SHPK: variants seen among roughly 807,000 people sequenced by gnomAD.
The protein encoded by SHPK is sedoheptulokinase.
SHPK carries 51 observed loss-of-function variants against 46.3 expected under a neutral mutation model. That is an observed-to-expected ratio of 1.10 (90% CI 0.88 to 1.39). The LOEUF is 1.39. Ranked by LOEUF, SHPK falls within the 40% of genes most tolerant of loss-of-function variation. The probability of loss-of-function intolerance (pLI) is 0.00; values close to 1 mark genes in which losing one functional copy is unlikely to be tolerated. For synonymous variants in SHPK, 290 were observed against 273.9 expected, an observed-to-expected ratio of 1.06 and a Z score of -0.58; for missense variants, 668 against 641.3, an observed-to-expected ratio of 1.04 and a Z score of -0.45.
chr17:3,626,724 A>G (rs1321830243), intron 2 of SHPK, among the ~76,000 whole-genome samples: 4 of 39,210 alleles, frequency 1.0e-4, no homozygotes, highest in Non-Finnish European at 3.7e-4. Flanking sequence ...TCCATCTCAA[A>G]AAAAAAAAAA....
Position 3,615,503 on chromosome 17 carries a change from G to T in SHPK, c.858C>A (p.Ala286=). Residue 286 remains alanine, a synonymous_variant, in exon 6 of 7, where the codon GCC becomes GCA. Transcript: ENST00000225519. ...LNISTSVQLA[A]SMPSGFQPAQ... is the part of the protein sequence containing the mutation. ...CAGGCTGGAATCCTGAAGGCATGGAGGCTGCCAGCTGAACCGAGGTGCTGA... is the reference window on the plus strand; with the variant it reads ...CAGGCTGGAATCCTGAAGGCATGGATGCTGCCAGCTGAACCGAGGTGCTGA... 8 of 1,614,220 alleles carry T rather than the reference G, an allele frequency of 5.0e-6. No individual in the cohort carries two copies. The highest frequency in any genetic ancestry group is 6.8e-6 in the Non-Finnish European group (8 of 1,180,038).
intron 4 of SHPK, 25 bp downstream of exon 4, chr17:3,623,314 C>G (rs770806690): frequency 2.5e-6 from 4 of 1,613,312 alleles, no homozygotes; most frequent in East Asian, 4.5e-5. Flanking sequence ...GCAGGAGGAA[C>G]AGCCTGCAAG....
intron 6 of SHPK, among the ~76,000 whole-genome samples, chr17:3,611,906 C>A (rs919729587): frequency 6.7e-6 from 1 of 149,142 alleles, no homozygotes. Flanking sequence ...CGGGTTCCAG[C>A]GATTCTCCTG....
chr17:3,615,749 A>G (rs569081923), intron 5 of SHPK, among the ~76,000 whole-genome samples: 2 of 151,928 alleles, frequency 1.3e-5, no homozygotes, highest in Non-Finnish European at 2.9e-5. Context: ...GCTAACTCAG[A>G]GGTCACAAGT....
At chr17:3,611,106 C>T (rs1480794173) in intron 6 of SHPK, 134 bp from the exon 7 acceptor site, 1 of 841,266 alleles carries the variant, frequency 1.2e-6, no homozygotes, top group Non-Finnish European at 1.8e-6. Flanking sequence ...TGGTTCTGGG[C>T]TCAGGGACTG....
Position 3,623,509 on chromosome 17 carries a change from A to G in SHPK, c.495-18T>C. On this transcript the variant is annotated intron_variant, in intron 3 of 6. Transcript: ENST00000225519. ...ACTCTGGGCTGTTTTTCATACCAAA[A>G]ACAACCAACACGGTATAACATGAAC... 6.2e-7 allele frequency: 1 copy of G among 1,613,384 alleles called. No individual in the cohort carries two copies.
intron 2 of SHPK, among the ~76,000 whole-genome samples, chr17:3,627,913 C>G (rs1371896003): frequency 1.3e-5 from 2 of 152,046 alleles, no homozygotes; most frequent in Admixed American, 1.3e-4. Flanking sequence ...CCCTAATCGC[C>G]TTCTGCTCCC....
intron 2 of SHPK, among the ~76,000 whole-genome samples, chr17:3,627,726 G>C (rs930876782): frequency 5.3e-5 from 8 of 151,162 alleles, no homozygotes; most frequent in African/African-American, 1.9e-4. Context: ...GGTTGTTAGA[G>C]AGCCCAGGAG....
intron 1 of SHPK, among the ~76,000 whole-genome samples, chr17:3,635,628 A>G (rs1363551538): frequency 6.6e-6 from 1 of 152,216 alleles, no homozygotes; most frequent in East Asian, 1.9e-4. Flanking sequence ...AGGAAAACCC[A>G]GACTCTGCCC....
chr17:3,625,905 T>G (rs978364000), intron 2 of SHPK, among the ~76,000 whole-genome samples: 2 of 151,960 alleles, frequency 1.3e-5, no homozygotes, highest in South Asian at 2.1e-4. Context: ...ATACAAAAAT[T>G]AGCCAGGTGT....
chr17:3,623,890 T>C (rs1330740020), intron 3 of SHPK, among the ~76,000 whole-genome samples, 158 bp downstream of exon 3: 16 of 152,176 alleles, frequency 1.1e-4, no homozygotes, highest in Admixed American at 1.0e-3. Context: ...AGGACGTGGT[T>C]CTGGACCCAA....
In SHPK at chr17:3,621,308, G is replaced by A. The variant is rs760991475; in HGVS notation, c.752C>T (p.Thr251Met). The A allele has an allele frequency of 1.2e-5, 20 of 1,613,974 alleles. No individual in the cohort carries two copies. Among genetic ancestry groups the A allele is most frequent in the South Asian group, 3.3e-5 (3 of 91,086 alleles). ...SHMWFEIPKG[T>M]QVGVALGDLQ... The stretch of plus-strand genomic sequence containing the variant: ...ATCACCCAAGGCCACTCCCACCTGC[G>A]TCCCCTTTGGGATTTCAAACCACAT... The change falls in exon 5 of 7, where the codon ACG becomes ATG. Residue 251 changes from threonine (T) to methionine (M), a missense_variant. Coordinates refer to ENST00000225519, the MANE Select transcript of SHPK (RefSeq NM_013276.4).
rs548015223 is a variant in SHPK at position 3,623,643 on chromosome 17, G to A, written c.495-152C>T. ...TGGCTCAAGTCCAGCTGGGTCCCTG[G>A]GATTAGGACCTCCCAGCTGCCCCAA... On this transcript the variant is annotated intron_variant, in intron 3 of 6. Coordinates refer to ENST00000225519, the MANE Select transcript of SHPK (RefSeq NM_013276.4). 1.1e-3 allele frequency: 878 copies of A among 770,736 alleles called. 2 individuals carry two copies. The highest frequency in any genetic ancestry group is 1.7e-3 in the Non-Finnish European group (762 of 458,890). 47.7% of individuals were successfully genotyped at this position (770,736 alleles called of 1,614,324 possible). A position where few individuals can be genotyped will look rare whatever the true frequency, so the allele number is the denominator to read the frequency against.
At chr17:3,617,535 A>T (rs913341942) in intron 5 of SHPK, among the ~76,000 whole-genome samples, 1 of 152,182 alleles carries the variant, frequency 6.6e-6, no homozygotes, top group Non-Finnish European at 1.5e-5. Flanking sequence ...ACAGAAAATA[A>T]TGGGTTTACT....
In SHPK at chr17:3,609,294, C is replaced by A. The variant is rs1332531468; in HGVS notation, c.*1266G>T. ...TTGTAAAATGACATTTATAAAGAGA[C>A]AATATGTTTCATACCTGTCATGGAT... On this transcript the variant is annotated 3_prime_UTR_variant, in exon 7 of 7. Coordinates refer to ENST00000225519, the MANE Select transcript of SHPK (RefSeq NM_013276.4). The A allele has an allele frequency of 6.7e-6, 1 of 149,790 alleles. No homozygotes were observed. The highest frequency in any genetic ancestry group is 1.5e-5 in the Non-Finnish European group (1 of 67,652). The allele number at this position is 149,790 out of a possible 1,614,324, so 9.3% of individuals were successfully genotyped here.
intron 5 of SHPK, among the ~76,000 whole-genome samples, chr17:3,620,339 C>A (rs1302622467): frequency 3.3e-5 from 5 of 151,888 alleles, no homozygotes; most frequent in African/African-American, 1.2e-4. Flanking sequence ...CGGCTCACTG[C>A]AAGCTCTGCC....
intron 4 of SHPK, among the ~76,000 whole-genome samples, chr17:3,621,637 C>CTTCT (rs199651761): frequency 6.4e-5 from 9 of 139,694 alleles, no homozygotes; most frequent in African/African-American, 1.8e-4. Flanking sequence ...TCCTTCCTTC[C>CTTCT]TTCTTTCTTT....
At chr17:3,611,056 G>C (rs1033599936) in intron 6 of SHPK, 84 bp from the exon 7 acceptor site, 2 of 1,306,048 alleles carry the variant, frequency 1.5e-6, no homozygotes, top group Admixed American at 2.1e-5. Flanking sequence ...CACAGGGTGG[G>C]AACAGCGCTA....
At chr17:3,635,241 G>GGAAGGAAA (rs2075508756) in intron 1 of SHPK, among the ~76,000 whole-genome samples, 1 of 96,524 alleles carries the variant, frequency 1.0e-5, no homozygotes, top group Non-Finnish European at 2.4e-5. Context: ...AAGGAAGGAA[G>GGAAGGAAA]GAAGGGAAGG....
Sources: allele counts gnomAD v4.1 joint callset (sites outside exome capture counted in the v4.1 genomes callset), GRCh38; gene constraint gnomAD v4.1.1; transcripts MANE v1.5; gene names NCBI Gene and HGNC (gene_info 2026-07-23, HGNC 2026-07-21).